The following AGBL4 variants were observed in gnomAD, a reference collection of about 807,000 sequenced individuals.
AGBL4 encodes the protein cytosolic carboxypeptidase 6.
AGBL4 carries 58 observed loss-of-function variants against 66.4 expected under a neutral mutation model. The ratio of observed to expected loss-of-function variants is 0.87; its 90% CI spans 0.71 to 1.09. The LOEUF is 1.09. Among genes scored for constraint, AGBL4 ranks in the 50% least tolerant of loss-of-function variants. The pLI, the probability that AGBL4 is intolerant of heterozygous loss-of-function variation, is 0.00. For missense variants in AGBL4, 579 were observed against 631.0 expected (o/e 0.92, Z 0.88); for synonymous variants, 234 against 222.9 (o/e 1.05, Z -0.44).
chr1:48,635,031 A>T (rs537956540), intron 8 of AGBL4, among the ~76,000 whole-genome samples: 30 of 152,082 alleles, frequency 2.0e-4, no homozygotes, highest in Non-Finnish European at 2.1e-4. Context: ...ATACACCATA[A>T]CCCAACACCT....
rs572575385 is a variant in AGBL4 at position 49,958,801 on chromosome 1, C to A, written c.34+64962G>T. Among the ~76,000 whole-genome samples the A allele has an allele frequency of 3.2e-4, 48 of 151,638 alleles. 1 individual carries two copies. In the South Asian group the frequency reaches 9.4e-3, roughly 30 times the overall value. On this transcript the variant is annotated intron_variant, in intron 1 of 13. Coordinates refer to ENST00000371839, the MANE Select transcript of AGBL4 (RefSeq NM_032785.4). Reference sequence around the variant, plus strand: ...GGCACATGTATACATATGTAACAAACCTGCACGTTGTGCACATGTACCCTA... The same window carrying A: ...GGCACATGTATACATATGTAACAAAACTGCACGTTGTGCACATGTACCCTA...
In AGBL4 at chr1:48,991,453, A is replaced by T. The variant is rs536999089; in HGVS notation, c.594+54131T>A. 3.4e-4 allele frequency among the ~76,000 whole-genome samples: 51 copies of T among 151,898 alleles called. 2 individuals are homozygous for T. The highest frequency in any genetic ancestry group is 1.2e-3 in the African/African-American group (49 of 41,216). On this transcript the variant is annotated intron_variant, in intron 5 of 13. Transcript: ENST00000371839. Reference sequence around the variant, plus strand: ...GTTTGATCATTAAATGCCTTGAAGTAGTCTTCTTTTGGTTAAATATGCTAG... The same window carrying T: ...GTTTGATCATTAAATGCCTTGAAGTTGTCTTCTTTTGGTTAAATATGCTAG...
intron 4 of AGBL4, among the ~76,000 whole-genome samples, chr1:49,201,174 G>T (rs917168018): frequency 6.6e-6 from 1 of 152,092 alleles, no homozygotes; most frequent in Admixed American, 6.6e-5. Flanking sequence ...TCTCACTTTT[G>T]AACCTTTATC....
chr1:48,687,381 C>T (rs1014202872), intron 6 of AGBL4, among the ~76,000 whole-genome samples: 3 of 152,114 alleles, frequency 2.0e-5, no homozygotes, highest in African/African-American at 7.2e-5. Context: ...GAGAAAAGGC[C>T]CCGGTGGGCC....
At chr1:49,002,852 T>C (rs921336001) in intron 5 of AGBL4, among the ~76,000 whole-genome samples, 34 of 152,296 alleles carry the variant, frequency 2.2e-4, no homozygotes, top group African/African-American at 7.9e-4. Flanking sequence ...AGCAGAATTT[T>C]AGAAATAAAA....
chr1:49,900,973 AT>A (rs1649709324), intron 1 of AGBL4, among the ~76,000 whole-genome samples: 1 of 152,232 alleles, frequency 6.6e-6, no homozygotes, highest in African/African-American at 2.4e-5. Flanking sequence ...GGTACCATTT[AT>A]AATGATGTAA....
chr1:48,966,282 G>A (rs559594499), intron 5 of AGBL4, among the ~76,000 whole-genome samples: 83 of 152,094 alleles, frequency 5.5e-4, no homozygotes, highest in Non-Finnish European at 1.2e-3. Flanking sequence ...TGAAAAAGGG[G>A]CCCAAGATAG....
intron 6 of AGBL4, among the ~76,000 whole-genome samples, chr1:48,821,177 C>A (rs181442914): frequency 1.3e-5 from 2 of 152,238 alleles, no homozygotes; most frequent in African/African-American, 4.8e-5. Flanking sequence ...CTATGAAAAA[C>A]AGTATGGGGA....
chr1:48,879,854 A>C (rs1649600705), intron 5 of AGBL4, among the ~76,000 whole-genome samples: 1 of 152,182 alleles, frequency 6.6e-6, no homozygotes, highest in Non-Finnish European at 1.5e-5. Context: ...TGCCCTTAAA[A>C]ATACTTTGAT....
chr1:48,953,236 T>C (rs1428155981), intron 5 of AGBL4, among the ~76,000 whole-genome samples: 1 of 152,172 alleles, frequency 6.6e-6, no homozygotes, highest in Non-Finnish European at 1.5e-5. Context: ...ACTGCCAAAG[T>C]AGTCTGATGA....
At chr1:49,849,924 C>T (rs1008141942) in intron 2 of AGBL4, among the ~76,000 whole-genome samples, 14 of 152,046 alleles carry the variant, frequency 9.2e-5, no homozygotes, top group African/African-American at 3.4e-4. Context: ...GTCCTTATGT[C>T]TTTAACATAA....
At chr1:49,843,017 G>A (rs1646039640) in intron 2 of AGBL4, among the ~76,000 whole-genome samples, 1 of 152,170 alleles carries the variant, frequency 6.6e-6, no homozygotes, top group Non-Finnish European at 1.5e-5. Flanking sequence ...ATAGGTAGCA[G>A]AGATATCCCA....
intron 5 of AGBL4, among the ~76,000 whole-genome samples, chr1:48,955,080 G>GT (rs1299005273): frequency 2.0e-5 from 3 of 152,150 alleles, no homozygotes; most frequent in Non-Finnish European, 4.4e-5. Context: ...GTGCTGCACT[G>GT]TTTGTCTGTA....
At chr1:49,952,897 A>G (rs1341346843) in intron 1 of AGBL4, among the ~76,000 whole-genome samples, 1 of 151,938 alleles carries the variant, frequency 6.6e-6, no homozygotes, top group Admixed American at 6.6e-5. Flanking sequence ...TATTTCTCCC[A>G]CTGCTACTTT....
chr1:48,685,545 A>G (rs79006163), intron 6 of AGBL4, among the ~76,000 whole-genome samples: 5,845 of 152,210 alleles, frequency 0.038, 373 homozygotes, highest in African/African-American at 0.13. Flanking sequence ...CCATATCACC[A>G]GGAGTGGAAA....
chr1:50,021,626 C>A (rs1043860504), intron 1 of AGBL4, among the ~76,000 whole-genome samples: 13 of 152,198 alleles, frequency 8.5e-5, no homozygotes, highest in South Asian at 8.3e-4. Flanking sequence ...TTAATTTTAT[C>A]TCCTAAGTAT....
At chr1:49,688,011 T>C (rs190235910) in intron 3 of AGBL4, among the ~76,000 whole-genome samples, 21 of 152,282 alleles carry the variant, frequency 1.4e-4, no homozygotes, top group Admixed American at 1.3e-3. Context: ...ATTGTAATAA[T>C]CACATCAGGG....
intron 1 of AGBL4, among the ~76,000 whole-genome samples, chr1:49,933,123 G>C (rs550495973): frequency 9.2e-5 from 14 of 152,148 alleles, no homozygotes; most frequent in African/African-American, 3.4e-4. Context: ...AGATAAACCT[G>C]CAATCAAATT....
At chr1:49,501,326 C>T (rs1007043071) in intron 3 of AGBL4, among the ~76,000 whole-genome samples, 3 of 151,934 alleles carry the variant, frequency 2.0e-5, no homozygotes, top group African/African-American at 7.2e-5. Context: ...AAAGAATTTC[C>T]TTTGCTCTGG....
Sources: allele counts gnomAD v4.1 joint callset (sites outside exome capture counted in the v4.1 genomes callset), GRCh38; gene constraint gnomAD v4.1.1; transcripts MANE v1.5; gene names NCBI Gene and HGNC (gene_info 2026-07-23, HGNC 2026-07-21).